ASTN2: variants seen among roughly 807,000 people sequenced by gnomAD.
ASTN2 encodes the protein astrotactin-2.
A neutral mutation model predicts 139.8 loss-of-function variants in ASTN2; 54 were observed. The ratio of observed to expected loss-of-function variants is 0.39; its 90% CI spans 0.31 to 0.48. The LOEUF is 0.48. Ranked by LOEUF, ASTN2 falls within the 20% of genes least tolerant of loss-of-function variation. The probability of loss-of-function intolerance (pLI) is 0.95; values close to 1 mark genes in which losing one functional copy is unlikely to be tolerated. For missense variants in ASTN2, 1,565 were observed against 1,725.1 expected, an observed-to-expected ratio of 0.91 and a Z score of 1.64; for synonymous variants, 756 against 719.5, an observed-to-expected ratio of 1.05 and a Z score of -0.81.
intron 6 of ASTN2, among the ~76,000 whole-genome samples, chr9:117,038,820 G>C (rs1481916326): frequency 1.3e-5 from 2 of 152,144 alleles, no homozygotes; most frequent in African/African-American, 2.4e-5. Flanking sequence ...GGGCACTTTA[G>C]CAATAGATAG....
At chr9:116,775,819 G>A (rs989072378) in intron 13 of ASTN2, among the ~76,000 whole-genome samples, 3 of 148,340 alleles carry the variant, frequency 2.0e-5, no homozygotes, top group African/African-American at 7.5e-5. Flanking sequence ...AAGAAAGGAA[G>A]GAAGAAAGGA....
chr9:116,672,618 T>C (rs1859264796), intron 16 of ASTN2, among the ~76,000 whole-genome samples: 1 of 152,210 alleles, frequency 6.6e-6, no homozygotes. Context: ...TTTGGATTTA[T>C]TAAGTCATCA....
At chr9:117,059,200 ATCT>A (rs1460147575) in intron 5 of ASTN2, among the ~76,000 whole-genome samples, 5 of 152,204 alleles carry the variant, frequency 3.3e-5, no homozygotes, top group African/African-American at 4.8e-5. Context: ...GATGAATCAG[ATCT>A]TCTAGGAAGT....
intron 19 of ASTN2, among the ~76,000 whole-genome samples, chr9:116,588,441 C>T (rs1196939357): frequency 6.6e-6 from 1 of 152,094 alleles, no homozygotes; most frequent in Non-Finnish European, 1.5e-5. Context: ...TAGCAACAGA[C>T]AAAAGGATGA....
chr9:116,619,542 G>A (rs1183084406), intron 18 of ASTN2, among the ~76,000 whole-genome samples: 1 of 151,754 alleles, frequency 6.6e-6, no homozygotes, highest in Non-Finnish European at 1.5e-5. Flanking sequence ...TGTTGTTGTT[G>A]AGACAGGGTC....
At chr9:117,051,850 T>C (rs1838919938) in intron 5 of ASTN2, among the ~76,000 whole-genome samples, 1 of 152,118 alleles carries the variant, frequency 6.6e-6, no homozygotes, top group Non-Finnish European at 1.5e-5. Flanking sequence ...CCAGCTTCCA[T>C]GACAATGTTC....
chr9:116,689,442 C>T (rs1206201441), intron 16 of ASTN2, among the ~76,000 whole-genome samples: 1 of 152,146 alleles, frequency 6.6e-6, no homozygotes, highest in African/African-American at 2.4e-5. Context: ...TACTTCTTTA[C>T]TCAGTTTTCA....
intron 13 of ASTN2, among the ~76,000 whole-genome samples, chr9:116,790,864 G>A (rs1255373352): frequency 9.4e-5 from 14 of 148,974 alleles, no homozygotes; most frequent in African/African-American, 3.0e-4. Context: ...TACTAGAGAC[G>A]GGGTTTCACC....
chr9:117,353,725 C>T (rs529910287), intron 1 of ASTN2, among the ~76,000 whole-genome samples: 5 of 152,112 alleles, frequency 3.3e-5, no homozygotes, highest in Non-Finnish European at 5.9e-5. Context: ...TTGCCCTAAT[C>T]GCGCCATCTG....
At chr9:116,951,337 CAAAAAAAAAAAAAAAAA>C (rs386416039) in intron 10 of ASTN2, among the ~76,000 whole-genome samples, 45 of 34,062 alleles carry the variant, frequency 1.3e-3, no homozygotes, top group African/African-American at 6.7e-3. Flanking sequence ...AACTCTGTCT[CAAAAAAAAAAAAAAAAA>C]AAAAAAAAAA....
intron 6 of ASTN2, among the ~76,000 whole-genome samples, chr9:117,034,821 A>C (rs893671101): frequency 6.6e-6 from 1 of 152,188 alleles, no homozygotes; most frequent in African/African-American, 2.4e-5. Flanking sequence ...GCAAAAAGCC[A>C]CTGATGGCTT....
chr9:117,311,803 A>G (rs1248859517), intron 1 of ASTN2, among the ~76,000 whole-genome samples: 1 of 152,182 alleles, frequency 6.6e-6, no homozygotes, highest in Non-Finnish European at 1.5e-5. Context: ...CGTGGCCCAC[A>G]GTAGATGCTC....
chr9:117,120,128 G>A (rs1829518803), intron 4 of ASTN2, among the ~76,000 whole-genome samples: 1 of 149,792 alleles, frequency 6.7e-6, no homozygotes, highest in African/African-American at 2.5e-5. Context: ...CCTATTGGGT[G>A]TGGGGGTGGG....
chr9:117,226,592 G>GGGTT (rs986828946), intron 2 of ASTN2, among the ~76,000 whole-genome samples: 21 of 148,988 alleles, frequency 1.4e-4, no homozygotes, highest in South Asian at 2.2e-4. Flanking sequence ...TCATAAAGCG[G>GGGTT]GTTTGTTTGT....
chr9:117,077,520 G>T (rs1828313001), intron 5 of ASTN2, among the ~76,000 whole-genome samples: 1 of 152,104 alleles, frequency 6.6e-6, no homozygotes, highest in Admixed American at 6.5e-5. Context: ...GGCTGAGGCG[G>T]GTAAATCACT....
At chr9:117,392,023 C>T (rs778891619) in intron 1 of ASTN2, among the ~76,000 whole-genome samples, 6 of 152,252 alleles carry the variant, frequency 3.9e-5, no homozygotes, top group South Asian at 2.1e-4. Flanking sequence ...TTCCCATAGT[C>T]TTGGGCATTC....
intron 13 of ASTN2, among the ~76,000 whole-genome samples, chr9:116,752,354 T>C (rs1829423061): frequency 6.6e-6 from 1 of 152,170 alleles, no homozygotes; most frequent in African/African-American, 2.4e-5. Context: ...AATCTAGATA[T>C]AGATTCTACA....
At chr9:117,351,456 G>A (rs184291592) in intron 1 of ASTN2, among the ~76,000 whole-genome samples, 40 of 151,980 alleles carry the variant, frequency 2.6e-4, no homozygotes, top group East Asian at 1.6e-3. Flanking sequence ...CTGTTTTCTC[G>A]GCCTAAGCTG....
intron 7 of ASTN2, among the ~76,000 whole-genome samples, chr9:116,977,715 CTTTTTT>C (rs386416041): frequency 8.2e-6 from 1 of 122,190 alleles, no homozygotes; most frequent in South Asian, 2.7e-4. Flanking sequence ...ATTTCTTTTT[CTTTTTT>C]TTTTTTTTTT....
Sources: allele counts gnomAD v4.1 joint callset (sites outside exome capture counted in the v4.1 genomes callset), GRCh38; gene constraint gnomAD v4.1.1; transcripts MANE v1.5; gene names NCBI Gene and HGNC (gene_info 2026-07-23, HGNC 2026-07-21).